The following LIN7A variants were observed in gnomAD, a reference collection of about 807,000 sequenced individuals.
The protein encoded by LIN7A is lin-7 cell polarity scaffold A, also known as protein lin-7 homolog A.
LIN7A carries 25 observed loss-of-function variants against 29.8 expected under a neutral mutation model. That is an observed-to-expected ratio of 0.84 (90% confidence interval 0.61 to 1.17). The LOEUF (loss-of-function observed/expected upper bound fraction) is 1.17, where lower values mean the gene tolerates loss of function less well. Among genes scored for constraint, LIN7A ranks in the 50% most tolerant of loss-of-function variants. LIN7A has a pLI of 0.00. For synonymous variants in LIN7A, 118 were observed against 107.5 expected (o/e 1.10, Z -0.60); for missense variants, 239 against 287.0 (o/e 0.83, Z 1.21).
chr12:80,810,210 C>T (rs1313999750), intron 5 of LIN7A, among the ~76,000 whole-genome samples: 1 of 152,154 alleles, frequency 6.6e-6, no homozygotes. Flanking sequence ...CTCTGGAAAC[C>T]ACATTCTACT....
At chr12:80,883,254 T>C (rs1565914741) in intron 2 of LIN7A, among the ~76,000 whole-genome samples, 1 of 152,152 alleles carries the variant, frequency 6.6e-6, no homozygotes, top group Admixed American at 6.5e-5. Flanking sequence ...CTTAGGGTAA[T>C]TCTGAATCTA....
intron 4 of LIN7A, among the ~76,000 whole-genome samples, chr12:80,832,361 A>G (rs566288700): frequency 9.2e-5 from 14 of 152,282 alleles, no homozygotes; most frequent in African/African-American, 3.1e-4. Flanking sequence ...TTAAAGTGAT[A>G]TTCTTACAAT....
chr12:80,874,751 A>G (rs1274123361), intron 2 of LIN7A, among the ~76,000 whole-genome samples: 1 of 152,202 alleles, frequency 6.6e-6, no homozygotes, highest in Non-Finnish European at 1.5e-5. Context: ...TGGGAGACTG[A>G]GGCAGGCGGA....
At chr12:80,842,194 C>A (rs866239782) in intron 4 of LIN7A, 8 of 1,158,592 alleles carry the variant, frequency 6.9e-6, no homozygotes, top group Middle Eastern at 5.0e-4. Flanking sequence ...TTGATTTCCC[C>A]CCCTTTCCAT....
chr12:80,830,185 T>C (rs1318526595), intron 4 of LIN7A, among the ~76,000 whole-genome samples: 1 of 152,224 alleles, frequency 6.6e-6, no homozygotes, highest in Non-Finnish European at 1.5e-5. Flanking sequence ...CTTAAATCAA[T>C]GGCTTGCTGC....
At chr12:80,846,971 T>C (rs1409536043) in intron 3 of LIN7A, among the ~76,000 whole-genome samples, 1 of 152,230 alleles carries the variant, frequency 6.6e-6, no homozygotes, top group Non-Finnish European at 1.5e-5. Flanking sequence ...TCCCAACGAC[T>C]GTACCTTCTT....
At chr12:80,842,142 A>G (rs1872851595) in intron 4 of LIN7A, 3 of 1,284,064 alleles carry the variant, frequency 2.3e-6, no homozygotes, top group Non-Finnish European at 3.0e-6. Flanking sequence ...GGAGGAAAAA[A>G]TCAATTGTTC....
At chr12:80,803,725 A>G (rs1949981376) in intron 5 of LIN7A, among the ~76,000 whole-genome samples, 2 of 152,180 alleles carry the variant, frequency 1.3e-5, no homozygotes, top group African/African-American at 4.8e-5. Context: ...GGAAACAATA[A>G]ATTTGTGTTA....
chr12:80,867,648 A>G (rs1005441404), intron 2 of LIN7A, among the ~76,000 whole-genome samples: 2 of 152,316 alleles, frequency 1.3e-5, no homozygotes, highest in Admixed American at 6.5e-5. Context: ...CTGTATGAAC[A>G]TTATGCTCCA....
At chr12:80,881,787 C>G (rs909717885) in intron 2 of LIN7A, among the ~76,000 whole-genome samples, 3 of 151,966 alleles carry the variant, frequency 2.0e-5, no homozygotes, top group Non-Finnish European at 4.4e-5. Context: ...AGGAAGTTTC[C>G]TGTATTACAA....
intron 1 of LIN7A, among the ~76,000 whole-genome samples, chr12:80,901,650 G>T (rs935202483): frequency 6.7e-6 from 1 of 149,788 alleles, no homozygotes; most frequent in African/African-American, 2.4e-5. Context: ...CCATCAATTT[G>T]TCTGGGTGTT....
At chr12:80,819,421 T>C (rs1194901925) in intron 4 of LIN7A, among the ~76,000 whole-genome samples, 1 of 152,234 alleles carries the variant, frequency 6.6e-6, no homozygotes, top group Non-Finnish European at 1.5e-5. Flanking sequence ...TACTTTGTTC[T>C]TGCTTTATGC....
intron 1 of LIN7A, among the ~76,000 whole-genome samples, chr12:80,905,800 TG>T (rs1390239392): frequency 1.3e-5 from 2 of 152,182 alleles, no homozygotes; most frequent in Non-Finnish European, 2.9e-5. Flanking sequence ...GCTGTATTTT[TG>T]TGTTAACTTT....
rs991915599 is a variant in LIN7A, at chr12:80,795,278, GACTT to G, written c.*2445_*2448del. ...ACCTCTGATTAAAACTTTAGGAAAA[GACTT>G]ACATTTCAACCAACAAGATTTTACT... On this transcript the variant is annotated 3_prime_UTR_variant, in exon 6 of 6. Coordinates refer to ENST00000552864, the MANE Select transcript of LIN7A (RefSeq NM_004664.4). 8 of 152,052 alleles carry G rather than the reference GACTT, an allele frequency of 5.3e-5. No individual in the cohort carries two copies. The highest frequency in any genetic ancestry group is 1.2e-4 in the Non-Finnish European group (8 of 67,972). 9.4% of individuals were successfully genotyped at this position (152,052 alleles called of 1,614,324 possible).
chr12:80,840,743 T>TTA (rs1419105347), intron 4 of LIN7A, among the ~76,000 whole-genome samples: 1 of 151,898 alleles, frequency 6.6e-6, no homozygotes, highest in Non-Finnish European at 1.5e-5. Context: ...CAGGGGAGGG[T>TTA]TATATGGTAC....
intron 1 of LIN7A, among the ~76,000 whole-genome samples, chr12:80,926,270 T>G (rs991368196): frequency 6.6e-6 from 1 of 152,236 alleles, no homozygotes. Flanking sequence ...CCTCCCTAAA[T>G]ATAGAGTAAA....
At chr12:80,838,212 T>C (rs1041198015) in intron 4 of LIN7A, among the ~76,000 whole-genome samples, 3 of 152,220 alleles carry the variant, frequency 2.0e-5, no homozygotes, top group African/African-American at 7.2e-5. Context: ...GTTCTGGCAC[T>C]GACACACTAT....
At chr12:80,932,285 G>A (rs1045093661) in intron 1 of LIN7A, among the ~76,000 whole-genome samples, 1 of 152,142 alleles carries the variant, frequency 6.6e-6, no homozygotes, top group Non-Finnish European at 1.5e-5. Flanking sequence ...TTTCCATAAG[G>A]TTGAAATCCA....
At position 80,801,089 on chromosome 12, in the gene LIN7A, TATAAAC is replaced by T. The variant is rs1870698620; in HGVS notation, c.*1-3369_*1-3364del. Among the ~76,000 whole-genome samples the T allele has an allele frequency of 4.0e-5, 6 of 151,710 alleles. No homozygotes were observed. The South Asian group carries it at 1.2e-3, about 31-fold the overall frequency. ...ATATATATATATATATAAACATACA[TATAAAC>T]ATACATATATAGAAATAACATTTCT... On this transcript the variant is annotated intron_variant, in intron 5 of 5. Coordinates refer to ENST00000552864, the MANE Select transcript of LIN7A (RefSeq NM_004664.4).
Sources: gnomAD v4.1 joint callset for allele counts (sites outside exome capture counted in the v4.1 genomes callset) on GRCh38, gnomAD v4.1.1 for gene constraint, MANE v1.5 for transcripts, NCBI Gene and HGNC (gene_info 2026-07-23, HGNC 2026-07-21) for gene names.